HTR5A: variants seen among roughly 807,000 people sequenced by gnomAD.
The protein encoded by HTR5A is 5-HT-5.
HTR5A carries 21 observed loss-of-function variants against 24.3 expected under a neutral mutation model. The ratio of observed to expected loss-of-function variants is 0.86; its 90% CI spans 0.61 to 1.24. HTR5A has a LOEUF of 1.24. Ranked by LOEUF, HTR5A falls within the 50% of genes most tolerant of loss-of-function variation. HTR5A has a pLI of 0.00. For missense variants in HTR5A, 497 were observed against 489.5 expected, an observed-to-expected ratio of 1.02 and a Z score of -0.15; for synonymous variants, 260 against 213.7, an observed-to-expected ratio of 1.22 and a Z score of -1.89.
At position 155,071,480 on chromosome 7, in the gene HTR5A, T is replaced by C; in HGVS notation, c.581T>C (p.Val194Ala). 2 of 1,614,170 alleles carry C rather than the reference T, an allele frequency of 1.2e-6. No homozygotes were observed. Among genetic ancestry groups the C allele is most frequent in the South Asian group, 2.2e-5 (2 of 91,082 alleles). The change falls in exon 1 of 2, where the codon GTA becomes GCA. Residue 194 changes from valine to alanine, a missense_variant. Val to Ala is a moderately conservative substitution (Grantham distance 64, BLOSUM62 0). Transcript: ENST00000287907. ...TCTGAGGGCAGCGAGGAGTGCCAGG[T>C]AAGCCGCGAGCCTTCCTACGCCGTG... is the stretch of plus-strand genomic sequence containing the variant. ...TYSEGSEECQ[V>A]SREPSYAVFS...
Position 155,084,409 on chromosome 7 carries a change from C to G in HTR5A, c.996C>G (p.Phe332Leu), listed in dbSNP as rs776050067. The G allele has an allele frequency of 6.8e-6, 11 of 1,614,208 alleles. No homozygotes were observed. The highest frequency in any genetic ancestry group is 9.3e-6 in the Non-Finnish European group (11 of 1,180,038). The change falls in exon 2 of 2, where the codon TTC becomes TTG. Residue 332 changes from phenylalanine (F) to leucine (L), a missense_variant. Physicochemically the swap from Phe to Leu is conservative, Grantham distance 22. Coordinates refer to ENST00000287907, the MANE Select transcript of HTR5A (RefSeq NM_024012.4). ...TGTGGCTTGGCTACTCCAACTCCTT[C>G]TTTAACCCCCTGATCTATACGGCTT... ...IFLWLGYSNSFFNPLIYTAFN... is the reference protein window; with the variant it reads ...IFLWLGYSNSLFNPLIYTAFN...
Position 155,071,133 on chromosome 7 carries a change from G to C in HTR5A, c.234G>C (p.Leu78=), listed in dbSNP as rs1232221960. 1 of 1,605,412 alleles carries C rather than the reference G, an allele frequency of 6.2e-7. No individual in the cohort carries two copies. The highest frequency in any genetic ancestry group is 1.7e-5 in the Admixed American group (1 of 60,022). ...VRTFHRVPHN[L]VASMAVSDVL... ...CCTTCCACCGCGTGCCCCACAACCT[G>C]GTGGCATCCATGGCCGTCTCGGATG... The change falls in exon 1 of 2, where the codon CTG becomes CTC. Residue 78 remains leucine (L), a synonymous_variant. Transcript: ENST00000287907.
At chr7:155,082,949 TTAATC>T (rs1199946751) in intron 1 of HTR5A, among the ~76,000 whole-genome samples, 2 of 152,236 alleles carry the variant, frequency 1.3e-5, no homozygotes, top group Non-Finnish European at 2.9e-5. Flanking sequence ...TCTTTTAAAT[TTAATC>T]TAGTGTACAG....
chr7:155,084,126 C>T (rs2150821654), intron 1 of HTR5A, 29 bp from the exon 2 acceptor site: 1 of 1,543,838 alleles, frequency 6.5e-7, no homozygotes, highest in Non-Finnish European at 8.7e-7. Context: ...GAGGTGGCTC[C>T]TCATAAAGCT....
rs1214029795 is a variant in HTR5A, at chr7:155,084,499, A to G, written c.*12A>G. 1 of 1,583,076 alleles carries G rather than the reference A, an allele frequency of 6.3e-7. No individual in the cohort carries two copies. Among genetic ancestry groups the G allele is most frequent in the Non-Finnish European group, 8.6e-7 (1 of 1,163,194 alleles). On this transcript the variant is annotated 3_prime_UTR_variant, in exon 2 of 2. Coordinates refer to ENST00000287907, the MANE Select transcript of HTR5A (RefSeq NM_024012.4). ...CTAGGCAACACTGAGGGAGAGGACC[A>G]GGATTGAAAAAAGTTTCTTCCCATA... is the stretch of plus-strand genomic sequence containing the variant.
Position 155,084,595 on chromosome 7 carries a change from A to C in HTR5A, c.*108A>C. ...AGCCATGTGGACGGGATGAATCCTC[A>C]CCATTCTCCAGGGTCATCTTCAGAA... On this transcript the variant is annotated 3_prime_UTR_variant, in exon 2 of 2. Transcript: ENST00000287907. The C allele has an allele frequency of 1.1e-6, 1 of 899,072 alleles. No homozygotes were observed. 55.7% of individuals were successfully genotyped at this position (899,072 alleles called of 1,614,324 possible).
At chr7:155,074,758 A>G (rs972105664) in intron 1 of HTR5A, 17 of 152,218 alleles carry the variant, frequency 1.1e-4, no homozygotes, top group African/African-American at 4.1e-4. Context: ...ATGATACTGA[A>G]GCTATTCATA....
intron 1 of HTR5A, among the ~76,000 whole-genome samples, chr7:155,073,391 C>T (rs1276713267): frequency 2.7e-5 from 4 of 149,588 alleles, no homozygotes; most frequent in South Asian, 2.1e-4. Flanking sequence ...AGAAATGCTG[C>T]TAAATATTGC....
Position 155,084,269 on chromosome 7 carries a change from A to G in HTR5A, c.856A>G (p.Met286Val), listed in dbSNP as rs2150821769. The G allele has an allele frequency of 8.1e-6, 13 of 1,614,104 alleles. No individual in the cohort carries two copies. The highest frequency in any genetic ancestry group is 1.1e-5 in the Non-Finnish European group (13 of 1,180,000). Residue 286 changes from methionine to valine, a missense_variant, in exon 2 of 2, where the codon ATG becomes GTG. Met to Val is a conservative substitution (Grantham distance 21). Transcript: ENST00000287907. ...REQKEQRAAL[M>V]VGILIGVFVL... is the part of the protein sequence containing the mutation. ...GCAGAAGGAGCAGCGGGCCGCCCTC[A>G]TGGTGGGCATCCTCATTGGCGTGTT...
chr7:155,077,083 T>C (rs781336588), intron 1 of HTR5A: 3 of 152,230 alleles, frequency 2.0e-5, no homozygotes, highest in Non-Finnish European at 4.4e-5. Flanking sequence ...GTGGAGTCTC[T>C]TGTCCATAGA....
intron 1 of HTR5A, among the ~76,000 whole-genome samples, chr7:155,083,183 C>A (rs904087287): frequency 6.6e-6 from 1 of 152,134 alleles, no homozygotes; most frequent in Admixed American, 6.5e-5. Context: ...CCTCAAAGAT[C>A]GTATGCTCTT....
intron 1 of HTR5A, among the ~76,000 whole-genome samples, chr7:155,071,859 G>A (rs1409052754): frequency 6.6e-6 from 1 of 152,128 alleles, no homozygotes; most frequent in Non-Finnish European, 1.5e-5. Flanking sequence ...TTCTCTAATG[G>A]GTTGTTTGTT....
At chr7:155,074,512 G>C (rs960943925) in intron 1 of HTR5A, 1 of 152,108 alleles carries the variant, frequency 6.6e-6, no homozygotes, top group Admixed American at 6.6e-5. Flanking sequence ...TTGCTGATTG[G>C]TTGTTCCTCC....
chr7:155,081,843 T>A (rs1198511772), intron 1 of HTR5A, among the ~76,000 whole-genome samples: 2 of 152,164 alleles, frequency 1.3e-5, no homozygotes, highest in Non-Finnish European at 2.9e-5. Context: ...GGGGTACCAT[T>A]TTAAATCAGT....
rs1393207404 is a variant in HTR5A, at chr7:155,071,379, C to T, written c.480C>T (p.Val160=). The T allele has an allele frequency of 6.2e-7, 1 of 1,613,998 alleles. No homozygotes were observed. Among genetic ancestry groups the T allele is most frequent in the Non-Finnish European group, 8.5e-7 (1 of 1,180,058 alleles). The change falls in exon 1 of 2, where the codon GTC becomes GTT. Residue 160 remains valine, a synonymous_variant. Transcript: ENST00000287907. ...TLRTRKCVSN[V]MIALTWALSA... ...GCACCCGCAAGTGCGTCTCCAACGTCATGATCGCGCTCACCTGGGCACTCT... is the reference window on the plus strand; with the variant it reads ...GCACCCGCAAGTGCGTCTCCAACGTTATGATCGCGCTCACCTGGGCACTCT...
At chr7:155,071,710 C>T in intron 1 of HTR5A, 70 bp downstream of exon 1, 2 of 1,486,624 alleles carry the variant, frequency 1.3e-6, no homozygotes, top group Non-Finnish European at 9.1e-7. Context: ...AGGCCACCTG[C>T]CCCACCCCCA....
intron 1 of HTR5A, among the ~76,000 whole-genome samples, chr7:155,075,114 G>A (rs1177801979): frequency 6.6e-6 from 1 of 152,308 alleles, no homozygotes; most frequent in South Asian, 2.1e-4. Flanking sequence ...AGTTGCCCTT[G>A]ATCAGTAGAC....
chr7:155,079,897 G>A (rs1053151553), intron 1 of HTR5A, among the ~76,000 whole-genome samples: 2 of 152,146 alleles, frequency 1.3e-5, no homozygotes, highest in African/African-American at 2.4e-5. Flanking sequence ...TTCACAAGTC[G>A]ACAAGTCAGG....
In HTR5A at chr7:155,087,250, CTCT is replaced by C. The variant is rs1795487378; in HGVS notation, c.*2768_*2770del. ...GATAAAAAAAAAGCTTGTTATTTCT[CTCT>C]TCTTTTCATGAGGAGCATTTTTGCT... is the stretch of plus-strand genomic sequence containing the variant. On this transcript the variant is annotated 3_prime_UTR_variant, in exon 2 of 2. Transcript: ENST00000287907. 6.6e-6 allele frequency among the ~76,000 whole-genome samples: 1 copy of C among 152,096 alleles called. No homozygotes were observed. The highest frequency in any genetic ancestry group is 1.5e-5 in the Non-Finnish European group (1 of 68,016).
Sources: gnomAD v4.1 joint callset for allele counts (sites outside exome capture counted in the v4.1 genomes callset) on GRCh38, gnomAD v4.1.1 for gene constraint, MANE v1.5 for transcripts, NCBI Gene and HGNC (gene_info 2026-07-23, HGNC 2026-07-21) for gene names.